The following MAD1L1 variants were observed in gnomAD, a reference collection of about 807,000 sequenced individuals.
The protein encoded by MAD1L1 is mitotic arrest deficient 1 like 1, also known as mitotic spindle assembly checkpoint protein MAD1.
Under a neutral mutation model 96.9 loss-of-function variants are expected in MAD1L1, and 95 were observed. The observed-to-expected ratio is 0.98, with a 90% confidence interval of 0.83 to 1.16. MAD1L1 has a LOEUF of 1.16. Ranked by LOEUF, MAD1L1 falls within the 50% of genes most tolerant of loss-of-function variation. The pLI is 0.00. For synonymous variants in MAD1L1, 473 were observed against 396.6 expected, an observed-to-expected ratio of 1.19 and a Z score of -2.29; for missense variants, 1,007 against 954.4, an observed-to-expected ratio of 1.06 and a Z score of -0.73.
At chr7:2,180,728 TTAAA>T (rs1448376153) in intron 10 of MAD1L1, among the ~76,000 whole-genome samples, 1 of 152,200 alleles carries the variant, frequency 6.6e-6, no homozygotes, top group Admixed American at 6.5e-5. Context: ...AAATATAATA[TTAAA>T]TATTGATCTT....
At chr7:1,897,297 T>C (rs976636162) in intron 18 of MAD1L1, among the ~76,000 whole-genome samples, 30 of 149,288 alleles carry the variant, frequency 2.0e-4, no homozygotes, top group African/African-American at 7.3e-4. Flanking sequence ...GGCTGCAGAC[T>C]GCAGGCAGTT....
chr7:1,857,109 C>T (rs946364262), intron 18 of MAD1L1, among the ~76,000 whole-genome samples: 1 of 152,300 alleles, frequency 6.6e-6, no homozygotes, highest in Middle Eastern at 3.4e-3. Flanking sequence ...CCCTCGGTGC[C>T]CGAGGCTCTG....
At chr7:1,951,745 A>C (rs1779504957) in intron 16 of MAD1L1, among the ~76,000 whole-genome samples, 2 of 152,058 alleles carry the variant, frequency 1.3e-5, no homozygotes, top group Non-Finnish European at 2.9e-5. Flanking sequence ...AGGTCCATCC[A>C]TGCTGCGGCA....
intron 11 of MAD1L1, among the ~76,000 whole-genome samples, chr7:2,127,944 C>T (rs1256411887): frequency 1.3e-5 from 2 of 152,172 alleles, no homozygotes; most frequent in East Asian, 3.9e-4. Flanking sequence ...GAGACTTCTG[C>T]TCGCACCTGA....
intron 10 of MAD1L1, among the ~76,000 whole-genome samples, chr7:2,164,210 AGAG>A (rs1289258843): frequency 1.3e-5 from 2 of 152,240 alleles, no homozygotes; most frequent in African/African-American, 4.8e-5. Flanking sequence ...GCCTCTTTCC[AGAG>A]GAGACATAAG....
At chr7:1,933,615 T>C (rs927655894) in intron 17 of MAD1L1, among the ~76,000 whole-genome samples, 6 of 152,206 alleles carry the variant, frequency 3.9e-5, no homozygotes, top group African/African-American at 1.4e-4. Context: ...TGAGCAAGTC[T>C]GAGATGAGAC....
intron 18 of MAD1L1, among the ~76,000 whole-genome samples, chr7:1,829,236 C>T (rs138576161): frequency 0.013 from 1,993 of 152,320 alleles, 18 homozygotes; most frequent in Non-Finnish European, 0.019. Flanking sequence ...AGCCCTTCAG[C>T]GTGACTTACA....
chr7:1,934,409 A>G (rs1789659701), intron 17 of MAD1L1, among the ~76,000 whole-genome samples: 1 of 152,148 alleles, frequency 6.6e-6, no homozygotes, highest in Non-Finnish European at 1.5e-5. Context: ...GACCCAGACA[A>G]CAAGGGAAGG....
intron 10 of MAD1L1, among the ~76,000 whole-genome samples, chr7:2,188,398 A>C (rs1315019926): frequency 6.6e-6 from 1 of 152,244 alleles, no homozygotes; most frequent in East Asian, 1.9e-4. Flanking sequence ...CAATCTTGAA[A>C]AGTTAGAACA....
intron 18 of MAD1L1, among the ~76,000 whole-genome samples, chr7:1,820,530 G>A (rs1260120037): frequency 6.6e-6 from 1 of 152,110 alleles, no homozygotes; most frequent in Non-Finnish European, 1.5e-5. Flanking sequence ...ACTTTGGGAG[G>A]CCAAGGTGAG....
chr7:1,892,249 C>G (rs756294590), intron 18 of MAD1L1, among the ~76,000 whole-genome samples: 2 of 152,188 alleles, frequency 1.3e-5, no homozygotes, highest in Non-Finnish European at 2.9e-5. Flanking sequence ...CCCAAGGGTG[C>G]GGGAGGCTGC....
At chr7:1,871,721 A>ACCTGCCACGCTGAAGCCAACATAGG (rs1785116583) in intron 18 of MAD1L1, among the ~76,000 whole-genome samples, 21 of 135,756 alleles carry the variant, frequency 1.5e-4, no homozygotes, top group Admixed American at 1.5e-3. Context: ...GCCAACATAC[A>ACCTGCCACGCTGAAGCCAACATAGG]CCTGCCACGC....
chr7:2,144,131 G>A (rs771182858), intron 11 of MAD1L1, among the ~76,000 whole-genome samples: 21 of 152,200 alleles, frequency 1.4e-4, no homozygotes, highest in Admixed American at 3.3e-4. Context: ...AGGCCTGGAC[G>A]CACGTCCTGC....
At chr7:2,064,394 G>C (rs2128525778) in intron 12 of MAD1L1, among the ~76,000 whole-genome samples, 2 of 152,242 alleles carry the variant, frequency 1.3e-5, no homozygotes, top group Middle Eastern at 6.8e-3. Flanking sequence ...CCCTGCCCCA[G>C]ATTCCCTCGG....
chr7:1,875,722 G>A (rs1272699805), intron 18 of MAD1L1, among the ~76,000 whole-genome samples: 1 of 152,234 alleles, frequency 6.6e-6, no homozygotes, highest in Admixed American at 6.5e-5. Context: ...GTGCACAGAC[G>A]TGTGCGAACA....
At chr7:1,926,329 C>T (rs969241500) in intron 17 of MAD1L1, among the ~76,000 whole-genome samples, 11 of 152,184 alleles carry the variant, frequency 7.2e-5, no homozygotes, top group African/African-American at 2.4e-4. Flanking sequence ...AAAGAAGTAA[C>T]ACCAATTCTA....
chr7:1,861,048 C>G (rs915843716), intron 18 of MAD1L1, among the ~76,000 whole-genome samples: 2 of 152,234 alleles, frequency 1.3e-5, no homozygotes, highest in African/African-American at 2.4e-5. Flanking sequence ...GTCACTGGGA[C>G]ACCCAGTCTG....
chr7:2,182,438 C>T (rs1791246396), intron 10 of MAD1L1, among the ~76,000 whole-genome samples: 1 of 151,978 alleles, frequency 6.6e-6, no homozygotes, highest in African/African-American at 2.4e-5. Context: ...TTTGGCAATT[C>T]CTAAAAAAGA....
intron 6 of MAD1L1, 88 bp downstream of exon 6, chr7:2,219,244 C>A: frequency 8.0e-7 from 1 of 1,248,986 alleles, no homozygotes; most frequent in South Asian, 1.4e-5. Context: ...GGAGTGTATC[C>A]ACATCCCACC....
Sources: allele counts gnomAD v4.1 joint callset (sites outside exome capture counted in the v4.1 genomes callset), GRCh38; gene constraint gnomAD v4.1.1; transcripts MANE v1.5; gene names NCBI Gene and HGNC (gene_info 2026-07-23, HGNC 2026-07-21).